Variants in LIMS1 observed in about 807,000 individuals in gnomAD.
LIMS1 encodes LIM zinc finger domain containing 1.
In LIMS1, 18 loss-of-function variants were observed where a neutral mutation model predicts 44.1. The ratio of observed to expected loss-of-function variants is 0.41; its 90% CI spans 0.28 to 0.61. The LOEUF (loss-of-function observed/expected upper bound fraction) is 0.61, where lower values mean the gene tolerates loss of function less well. LIMS1 is among the 20% of genes least tolerant of loss of function. The pLI, the probability that LIMS1 is intolerant of heterozygous loss-of-function variation, is 0.32. For synonymous variants in LIMS1, 93 were observed against 149.1 expected (o/e 0.62, Z 2.74); for missense variants, 201 against 422.0 (o/e 0.48, Z 4.59).
chr2:108,602,001 T>C (rs963911203), intron 1 of LIMS1, among the ~76,000 whole-genome samples: 4 of 152,244 alleles, frequency 2.6e-5, no homozygotes, highest in Non-Finnish European at 5.9e-5. Context: ...ATAGTTTTCA[T>C]TGTAGAGATG....
chr2:108,587,363 T>C (rs961466053), intron 1 of LIMS1, among the ~76,000 whole-genome samples: 10 of 151,390 alleles, frequency 6.6e-5, no homozygotes, highest in Non-Finnish European at 1.3e-4. Context: ...TGGTGGTATG[T>C]TTTTGTTTTT....
chr2:108,571,953 C>T (rs1444349698), intron 1 of LIMS1, among the ~76,000 whole-genome samples: 1 of 152,074 alleles, frequency 6.6e-6, no homozygotes, highest in East Asian at 1.9e-4. Flanking sequence ...GAACCATGGG[C>T]CCTTATATTT....
intron 1 of LIMS1, among the ~76,000 whole-genome samples, chr2:108,562,566 G>T (rs959837900): frequency 1.3e-5 from 2 of 152,190 alleles, no homozygotes; most frequent in Non-Finnish European, 2.9e-5. Context: ...CCAAAGCAAG[G>T]CCCTAACTCT....
At chr2:108,542,065 A>G (rs1237705867) in intron 1 of LIMS1, among the ~76,000 whole-genome samples, 1 of 152,118 alleles carries the variant, frequency 6.6e-6, no homozygotes, top group African/African-American at 2.4e-5. Context: ...TTCTCCTTTT[A>G]TTTGTTGTTA....
At chr2:108,561,096 G>A (rs1685095253) in intron 1 of LIMS1, among the ~76,000 whole-genome samples, 1 of 152,210 alleles carries the variant, frequency 6.6e-6, no homozygotes, top group African/African-American at 2.4e-5. Flanking sequence ...GCAAACACCA[G>A]TACAGACCTT....
intron 5 of LIMS1, chr2:108,674,006 T>C (rs1692324068): frequency 6.6e-6 from 1 of 152,178 alleles, no homozygotes; most frequent in Non-Finnish European, 1.5e-5. Flanking sequence ...TTTTTCTCAG[T>C]TTGCTGCCTA....
chr2:108,675,848 T>C, intron 5 of LIMS1, 30 bp from the exon 6 acceptor site: 1 of 1,613,884 alleles, frequency 6.2e-7, no homozygotes. Flanking sequence ...TCTCTCTTAG[T>C]ATTAAGCTGT....
intron 1 of LIMS1, among the ~76,000 whole-genome samples, chr2:108,551,915 GTA>G (rs1436397491): frequency 7.9e-6 from 1 of 127,046 alleles, no homozygotes; most frequent in African/African-American, 3.1e-5. Context: ...GTATATGTGT[GTA>G]TATGTGTATA....
chr2:108,601,356 G>T (rs970534734), intron 1 of LIMS1, among the ~76,000 whole-genome samples: 2 of 152,162 alleles, frequency 1.3e-5, no homozygotes, highest in African/African-American at 4.8e-5. Context: ...CACAGCGAGG[G>T]AAGGTCTCAT....
rs138092653 is a variant in LIMS1 at position 108,548,712 on chromosome 2, C to G, written c.32+14118C>G. Among the ~76,000 whole-genome samples, 753 of 152,318 alleles carry G rather than the reference C, an allele frequency of 4.9e-3. 1 individual carries two copies. The highest frequency in any genetic ancestry group is 7.4e-3 in the Non-Finnish European group (502 of 68,036). Reference sequence around the variant, plus strand: ...AAGGGTCATTTTGGGACCGTGAGAACAGACAAAAACCACATCTCTGATAAT... The same window carrying G: ...AAGGGTCATTTTGGGACCGTGAGAAGAGACAAAAACCACATCTCTGATAAT... On this transcript the variant is annotated intron_variant, in intron 1 of 9. Transcript: ENST00000544547.
intron 1 of LIMS1, among the ~76,000 whole-genome samples, chr2:108,596,548 C>A (rs750369750): frequency 6.6e-6 from 1 of 152,258 alleles, no homozygotes; most frequent in Non-Finnish European, 1.5e-5. Flanking sequence ...GCATGTTGGC[C>A]GGGCATGGCA....
intron 1 of LIMS1, among the ~76,000 whole-genome samples, chr2:108,557,404 T>C (rs956544200): frequency 6.6e-6 from 1 of 151,846 alleles, no homozygotes; most frequent in African/African-American, 2.4e-5. Context: ...TAGATTTTCA[T>C]TGGTTGAGAG....
chr2:108,608,695 A>G (rs1206020079), intron 1 of LIMS1, among the ~76,000 whole-genome samples: 1 of 152,178 alleles, frequency 6.6e-6, no homozygotes, highest in African/African-American at 2.4e-5. Flanking sequence ...AGACATCACT[A>G]TTTTAGAAAT....
rs147034254 is a variant in LIMS1 at position 108,542,042 on chromosome 2, C to T, written c.32+7448C>T. 2.6e-5 allele frequency among the ~76,000 whole-genome samples: 4 copies of T among 152,318 alleles called. No individual in the cohort carries two copies. The East Asian group carries it at 7.7e-4, about 29-fold the overall frequency. On this transcript the variant is annotated intron_variant, in intron 1 of 9. Coordinates refer to ENST00000544547, the Ensembl canonical transcript of LIMS1. ...AATATCCAAAGAAAAACAAGCTGCA[C>T]AGTAGGCTTTATTTCTCCTTTTATT...
chr2:108,560,525 T>C (rs1685076603), intron 1 of LIMS1, among the ~76,000 whole-genome samples: 1 of 150,506 alleles, frequency 6.6e-6, no homozygotes, highest in African/African-American at 2.5e-5. Context: ...ACCCAAAGAC[T>C]GTGGCAGAGC....
chr2:108,680,870 T>A, intron 9 of LIMS1, 100 bp downstream of exon 9: 5 of 1,500,750 alleles, frequency 3.3e-6, no homozygotes, highest in Non-Finnish European at 4.4e-6. Flanking sequence ...ATTATTTGAT[T>A]TCTTATTTCC....
At chr2:108,607,531 T>A (rs1176583046) in intron 1 of LIMS1, among the ~76,000 whole-genome samples, 2 of 152,296 alleles carry the variant, frequency 1.3e-5, no homozygotes, top group East Asian at 3.9e-4. Flanking sequence ...GTTTTACAAG[T>A]GAAATTATTA....
At chr2:108,660,313 T>G (rs975949567) in intron 2 of LIMS1, 3 of 467,472 alleles carry the variant, frequency 6.4e-6, no homozygotes, top group African/African-American at 4.0e-5. Context: ...CTCCTGGGTG[T>G]CTATGTTCTT....
chr2:108,583,587 G>A (rs1685973205), intron 1 of LIMS1, among the ~76,000 whole-genome samples: 1 of 151,958 alleles, frequency 6.6e-6, no homozygotes, highest in Admixed American at 6.6e-5. Flanking sequence ...AGTCCCGGGA[G>A]GAAAAGATAC....
Sources: gnomAD v4.1 joint callset for allele counts (sites outside exome capture counted in the v4.1 genomes callset) on GRCh38, gnomAD v4.1.1 for gene constraint, MANE v1.5 for transcripts, NCBI Gene and HGNC (gene_info 2026-07-23, HGNC 2026-07-21) for gene names.